Variants in RANBP17 observed in about 807,000 individuals in gnomAD.
RANBP17 encodes RAN binding protein 17, also known as ran-binding protein 17.
A neutral mutation model predicts 141.2 loss-of-function variants in RANBP17; 158 were observed. The ratio of observed to expected loss-of-function variants is 1.12; its 90% CI spans 0.98 to 1.28. RANBP17 has a LOEUF of 1.28. RANBP17 is among the 50% of genes most tolerant of loss of function. The pLI is 0.00. For synonymous variants in RANBP17, 430 were observed against 450.0 expected, an observed-to-expected ratio of 0.96 and a Z score of 0.56; for missense variants, 1,438 against 1,290.7, an observed-to-expected ratio of 1.11 and a Z score of -1.75.
intron 22 of RANBP17, among the ~76,000 whole-genome samples, chr5:171,223,445 C>T (rs1043457876): frequency 6.6e-5 from 10 of 152,116 alleles, no homozygotes; most frequent in Admixed American, 5.2e-4. Context: ...ACCATCCTGG[C>T]TAACATGGTG....
intron 14 of RANBP17, among the ~76,000 whole-genome samples, chr5:171,014,418 G>GTATT (rs1017998651): frequency 6.6e-6 from 1 of 151,758 alleles, no homozygotes; most frequent in Non-Finnish European, 1.5e-5. Context: ...CGAACATTTA[G>GTATT]TATTTATCTC....
chr5:171,294,052 C>T, intron 26 of RANBP17, 71 bp downstream of exon 26: 2 of 1,138,422 alleles, frequency 1.8e-6, no homozygotes, highest in African/African-American at 3.0e-5. Context: ...CTAGGGTGAG[C>T]TGTGATGACG....
intron 5 of RANBP17, chr5:170,903,525 A>G: frequency 4.7e-6 from 1 of 211,188 alleles, no homozygotes; most frequent in South Asian, 9.4e-5. Context: ...TCCAGGTGCC[A>G]CTCGGCACAT....
At chr5:170,864,277 G>A (rs1468827344) in intron 1 of RANBP17, among the ~76,000 whole-genome samples, 2 of 152,176 alleles carry the variant, frequency 1.3e-5, no homozygotes, top group Non-Finnish European at 2.9e-5. Context: ...TCAAGATGAT[G>A]AGTAAAGAAG....
chr5:171,127,346 G>A (rs1266823357), intron 14 of RANBP17, among the ~76,000 whole-genome samples: 3 of 152,152 alleles, frequency 2.0e-5, no homozygotes, highest in Non-Finnish European at 4.4e-5. Context: ...AGCTATGTAT[G>A]ACAAACCCAC....
Position 170,978,533 on chromosome 5 carries a change from A to G in RANBP17, c.1710+10156A>G, listed in dbSNP as rs188912093. On this transcript the variant is annotated intron_variant, in intron 14 of 27. Transcript: ENST00000523189. ...ACAACGATTTAAAAAAAGAAAAACTACATGCAAAAATTTGGATGAATTTAT... is the reference window on the plus strand; with the variant it reads ...ACAACGATTTAAAAAAAGAAAAACTGCATGCAAAAATTTGGATGAATTTAT... 4.1e-3 allele frequency among the ~76,000 whole-genome samples: 621 copies of G among 152,302 alleles called. 6 individuals carry two copies. Among genetic ancestry groups the G allele is most frequent in the African/African-American group, 0.014 (599 of 41,594 alleles).
At chr5:170,940,384 C>G (rs1774229738) in intron 12 of RANBP17, among the ~76,000 whole-genome samples, 1 of 152,094 alleles carries the variant, frequency 6.6e-6, no homozygotes, top group Non-Finnish European at 1.5e-5. Flanking sequence ...ACTTTTTGAG[C>G]ACTGACATGA....
intron 14 of RANBP17, among the ~76,000 whole-genome samples, chr5:170,978,499 T>A (rs1016804712): frequency 6.6e-6 from 1 of 152,142 alleles, no homozygotes; most frequent in African/African-American, 2.4e-5. Flanking sequence ...TCATACACTG[T>A]AATACTATAC....
At chr5:171,205,227 C>T (rs1425798579) in intron 19 of RANBP17, among the ~76,000 whole-genome samples, 1 of 152,054 alleles carries the variant, frequency 6.6e-6, no homozygotes, top group Non-Finnish European at 1.5e-5. Flanking sequence ...AATTATCAAT[C>T]CTCATCTTTT....
rs2914098 is a variant in RANBP17, at chr5:171,258,576, C to T, written c.2777-7105C>T. Among the ~76,000 whole-genome samples, 1,140 of 152,234 alleles carry T rather than the reference C, an allele frequency of 7.5e-3. 12 individuals are homozygous for T. The highest frequency in any genetic ancestry group is 0.026 in the African/African-American group (1,078 of 41,542). Reference sequence around the variant, plus strand: ...AGAATAGAGAGCCCAGAAATAAAGTCACATACTTACAGCCAACCGATCTTC... The same window carrying T: ...AGAATAGAGAGCCCAGAAATAAAGTTACATACTTACAGCCAACCGATCTTC... On this transcript the variant is annotated intron_variant, in intron 24 of 27. Coordinates refer to ENST00000523189, the MANE Select transcript of RANBP17 (RefSeq NM_022897.5).
At chr5:170,997,272 A>G (rs1202779312) in intron 14 of RANBP17, among the ~76,000 whole-genome samples, 1 of 152,196 alleles carries the variant, frequency 6.6e-6, no homozygotes, top group Non-Finnish European at 1.5e-5. Context: ...TAAATTACCC[A>G]GTCTTGGGCT....
chr5:171,210,281 T>G (rs889954558), intron 20 of RANBP17, among the ~76,000 whole-genome samples: 2 of 152,136 alleles, frequency 1.3e-5, no homozygotes, highest in Admixed American at 6.6e-5. Context: ...GCAGCCCTTT[T>G]AACCTCTCTA....
intron 24 of RANBP17, among the ~76,000 whole-genome samples, chr5:171,248,920 C>CGCT (rs1441000666): frequency 1.3e-5 from 2 of 152,142 alleles, no homozygotes; most frequent in Non-Finnish European, 2.9e-5. Flanking sequence ...CCCAGCCCAC[C>CGCT]GCTGCTACTA....
chr5:171,159,615 A>T (rs1436151338), intron 14 of RANBP17, among the ~76,000 whole-genome samples: 1 of 152,188 alleles, frequency 6.6e-6, no homozygotes, highest in East Asian at 1.9e-4. Context: ...GTGTCTGTGT[A>T]CATTAATTTA....
intron 14 of RANBP17, among the ~76,000 whole-genome samples, chr5:171,040,452 C>G (rs1316123816): frequency 6.6e-6 from 1 of 152,122 alleles, no homozygotes; most frequent in Non-Finnish European, 1.5e-5. Context: ...TCAGTAAAAA[C>G]ATATTATTTA....
intron 20 of RANBP17, chr5:171,205,884 G>A (rs1052917055): frequency 9.9e-6 from 5 of 506,936 alleles, no homozygotes; most frequent in Non-Finnish European, 1.8e-5. Flanking sequence ...TGTTGGAGTT[G>A]AAGGGATAAT....
chr5:171,234,775 T>G (rs1001064768), intron 22 of RANBP17, among the ~76,000 whole-genome samples: 2 of 152,164 alleles, frequency 1.3e-5, no homozygotes, highest in Non-Finnish European at 2.9e-5. Context: ...CCCTTTTGGT[T>G]ATGTTGAATT....
Position 170,911,086 on chromosome 5 carries a change from T to A in RANBP17, c.712T>A (p.Ser238Thr). 6.2e-7 allele frequency: 1 copy of A among 1,611,846 alleles called. No homozygotes were observed. Among genetic ancestry groups the A allele is most frequent in the Non-Finnish European group, 8.5e-7 (1 of 1,178,582 alleles). The change falls in exon 7 of 28, where the codon TCT becomes ACT. Residue 238 changes from serine (S) to threonine (T), a missense_variant. By Grantham distance (58) the Ser-to-Thr change is moderately conservative. Coordinates refer to ENST00000523189, the MANE Select transcript of RANBP17 (RefSeq NM_022897.5). The part of the protein sequence containing the change: ...FDFIGSSADE[S>T]ADDLCTVQIP... ...CTTCATTGGCAGTTCAGCAGATGAATCTGCAGATGATCTTTGCACGGTGCA... is the reference window on the plus strand; with the variant it reads ...CTTCATTGGCAGTTCAGCAGATGAAACTGCAGATGATCTTTGCACGGTGCA...
chr5:170,938,814 A>G (rs1581192749), intron 12 of RANBP17, among the ~76,000 whole-genome samples: 1 of 152,296 alleles, frequency 6.6e-6, no homozygotes, highest in South Asian at 2.1e-4. Flanking sequence ...TAAAGGATGG[A>G]ATGAGGTCAG....
Sources: allele counts gnomAD v4.1 joint callset (sites outside exome capture counted in the v4.1 genomes callset), GRCh38; gene constraint gnomAD v4.1.1; transcripts MANE v1.5; gene names NCBI Gene and HGNC (gene_info 2026-07-23, HGNC 2026-07-21).